Variants in ENDOV observed in about 807,000 individuals in gnomAD.
ENDOV encodes the protein endonuclease V.
In ENDOV, 37 loss-of-function variants were observed where a neutral mutation model predicts 39.4. The ratio of observed to expected loss-of-function variants is 0.94; its 90% confidence interval spans 0.72 to 1.23. ENDOV has a LOEUF of 1.23. Ranked by LOEUF, ENDOV falls within the 50% of genes most tolerant of loss-of-function variation. The probability of loss-of-function intolerance (pLI) is 0.00; values close to 1 mark genes in which losing one functional copy is unlikely to be tolerated. For synonymous variants in ENDOV, 186 were observed against 163.4 expected (o/e 1.14, Z -1.05); for missense variants, 441 against 375.7 (o/e 1.17, Z -1.44).
At chr17:80,428,692 G>A (rs1478894346) in intron 8 of ENDOV, 32 bp downstream of exon 8, 14 of 1,555,708 alleles carry the variant, frequency 9.0e-6, no homozygotes, top group Non-Finnish European at 1.1e-5. Context: ...GGCACTAAAG[G>A]GGCATCTCAC....
At chr17:80,423,778 C>T (rs914004362) in intron 5 of ENDOV, 146 bp downstream of exon 5, 3 of 742,904 alleles carry the variant, frequency 4.0e-6, no homozygotes, top group Non-Finnish European at 4.3e-6. Flanking sequence ...TAAGAAAGAC[C>T]TGCTTTCCTC....
In ENDOV at chr17:80,436,537, T is replaced by C; in HGVS notation, c.*394T>C. The C allele has an allele frequency of 2.5e-6, 1 of 402,592 alleles. No homozygotes were observed. Among genetic ancestry groups the C allele is most frequent in the Non-Finnish European group, 4.3e-6 (1 of 232,770 alleles). The allele number at this position is 402,592 out of a possible 1,614,324, so 24.9% of individuals were successfully genotyped here. On this transcript the variant is annotated 3_prime_UTR_variant, in exon 10 of 10. Transcript: ENST00000518137. The stretch of plus-strand genomic sequence containing the variant: ...TGGCCTCTATTGAAAAGATCCTGTG[T>C]TCTTCTGTGAATATGAGGTGTTACA...
chr17:80,415,370 A>G, intron 1 of ENDOV, 120 bp downstream of exon 1: 3 of 1,256,856 alleles, frequency 2.4e-6, no homozygotes, highest in South Asian at 1.4e-5. Flanking sequence ...GAGACTCCAA[A>G]GCAAAGCCCA....
intron 7 of ENDOV, chr17:80,427,894 T>C (rs1216792412): frequency 9.8e-6 from 12 of 1,227,648 alleles, no homozygotes; most frequent in Non-Finnish European, 1.3e-5. Context: ...ACTTCCCCCA[T>C]GAATGGAAGC....
chr17:80,433,720 C>T (rs1184496333), intron 9 of ENDOV, among the ~76,000 whole-genome samples: 1 of 152,182 alleles, frequency 6.6e-6, no homozygotes, highest in Non-Finnish European at 1.5e-5. Context: ...GCTCTGGGCT[C>T]CTCTGGGGCT....
intron 9 of ENDOV, among the ~76,000 whole-genome samples, chr17:80,431,523 G>A (rs1276599533): frequency 6.6e-6 from 1 of 152,266 alleles, no homozygotes; most frequent in Non-Finnish European, 1.5e-5. Flanking sequence ...GGAGAGAGCG[G>A]GAACTAGGTG....
intron 9 of ENDOV, among the ~76,000 whole-genome samples, chr17:80,430,896 G>A (rs1255642063): frequency 1.3e-5 from 2 of 152,170 alleles, no homozygotes; most frequent in Admixed American, 1.3e-4. Context: ...TCTTCTCTTG[G>A]TGTGGGCTAG....
chr17:80,415,798 G>T lies in ENDOV; in HGVS notation c.205G>T (p.Val69Leu), dbSNP rs375071073. 4 of 1,600,206 alleles carry T rather than the reference G, an allele frequency of 2.5e-6. No homozygotes were observed. The highest frequency in any genetic ancestry group is 4.5e-5 in the East Asian group (2 of 44,254). ...TGTCCGCGCTTGTGCTTCCCTGGTGGTGCTCAGCTTCCCTGAGCTCGAGGT... is the reference window on the plus strand; with the variant it reads ...TGTCCGCGCTTGTGCTTCCCTGGTGTTGCTCAGCTTCCCTGAGCTCGAGGT... ...DSVRACASLV[V>L]LSFPELEVVY... The change falls in exon 2 of 10, where the codon GTG (valine) becomes TTG (leucine). Residue 69 changes from valine to leucine, a missense_variant. Coordinates refer to ENST00000518137, the MANE Select transcript of ENDOV (RefSeq NM_173627.5).
intron 2 of ENDOV, chr17:80,419,379 C>T (rs1236594356): frequency 1.8e-6 from 1 of 550,652 alleles, no homozygotes; most frequent in Non-Finnish European, 3.3e-6. Context: ...GGAGCCCGTT[C>T]TGTGCCAGAT....
At chr17:80,422,043 C>A in intron 3 of ENDOV, 81 bp downstream of exon 3, 1 of 1,571,272 alleles carries the variant, frequency 6.4e-7, no homozygotes, top group East Asian at 2.3e-5. Context: ...TCGCCACCAC[C>A]ACAGTGGCAG....
rs1019318452 is a variant in ENDOV at position 80,415,577 on chromosome 17, T to A, written c.57-73T>A. On this transcript the variant is annotated intron_variant, in intron 1 of 9. Transcript: ENST00000518137. The stretch of plus-strand genomic sequence containing the variant: ...GACCCGGCAGAGGCGCTCTGTCCGC[T>A]GCAGCCGCGCGGGTGGAGGAGGCAG... 1.4e-5 allele frequency: 21 copies of A among 1,536,706 alleles called. 1 individual carries two copies. In the Admixed American group the frequency reaches 3.9e-4, roughly 29 times the overall value.
chr17:80,423,199 C>T (rs1229710437), intron 4 of ENDOV, among the ~76,000 whole-genome samples: 2 of 152,210 alleles, frequency 1.3e-5, no homozygotes, highest in African/African-American at 4.8e-5. Flanking sequence ...TGGCAGGCCA[C>T]CGTCGAGGGA....
intron 4 of ENDOV, 96 bp downstream of exon 4, chr17:80,422,341 G>A (rs1006119250): frequency 2.3e-5 from 34 of 1,448,962 alleles, no homozygotes; most frequent in African/African-American, 4.2e-5. Flanking sequence ...CTGGGCCCTC[G>A]GCCTCTGCCG....
chr17:80,430,727 C>G (rs540901246), intron 9 of ENDOV, among the ~76,000 whole-genome samples: 4 of 152,198 alleles, frequency 2.6e-5, no homozygotes, highest in Admixed American at 2.6e-4. Context: ...GTGCCAGGCT[C>G]TGTGCCCGGC....
intron 9 of ENDOV, among the ~76,000 whole-genome samples, chr17:80,432,042 G>T (rs41301906): frequency 0.011 from 1,729 of 152,208 alleles, 32 homozygotes; most frequent in African/African-American, 0.04. Flanking sequence ...CCACATGTGG[G>T]GTGCAGACCG....
In ENDOV at chr17:80,425,595, T is replaced by C; in HGVS notation, c.689T>C (p.Phe230Ser). The C allele has an allele frequency of 6.3e-7, 1 of 1,589,196 alleles. No individual in the cohort carries two copies. Among genetic ancestry groups the C allele is most frequent in the Non-Finnish European group, 8.5e-7 (1 of 1,172,986 alleles). The change falls in exon 7 of 10, where the codon TTC (phenylalanine) becomes TCC (serine). Residue 230 changes from phenylalanine (F) to serine (S), a missense_variant. Phe to Ser is a radical substitution (Grantham distance 155). Coordinates refer to ENST00000518137, the MANE Select transcript of ENDOV (RefSeq NM_173627.5). ...CGCCTGACTTGCTGCTGCTGCAGGT[T>C]CCGGATCCCAGAGCCCGTGCGCCAG... The part of the protein sequence containing the change: ...AVRLTCCCCR[F>S]RIPEPVRQAD...
chr17:80,423,292 C>T (rs1458009441), intron 4 of ENDOV, among the ~76,000 whole-genome samples: 2 of 152,218 alleles, frequency 1.3e-5, no homozygotes, highest in African/African-American at 2.4e-5. Context: ...TGGCACTGAC[C>T]GTGTCAGAGA....
chr17:80,426,838 G>A (rs938620506), intron 7 of ENDOV, among the ~76,000 whole-genome samples: 1 of 152,218 alleles, frequency 6.6e-6, no homozygotes, highest in Non-Finnish European at 1.5e-5. Flanking sequence ...TTAGGTGGCC[G>A]CTGTGCGTGC....
At position 80,415,173 on chromosome 17, in the gene ENDOV, A is replaced by C. The variant is rs41299330; in HGVS notation, c.-22A>C. On this transcript the variant is annotated 5_prime_UTR_variant, in exon 1 of 10. Transcript: ENST00000518137. Reference sequence around the variant, plus strand: ...AGTCGCTTCCGGAAGTGACGTGCGGAAGGGGTGCCCGGGACGAAGCCATGG... The same window carrying C: ...AGTCGCTTCCGGAAGTGACGTGCGGCAGGGGTGCCCGGGACGAAGCCATGG... 1.1e-3 allele frequency: 1,766 copies of C among 1,608,050 alleles called. 23 individuals carry two copies. The South Asian group carries it at 0.011, about 10-fold the overall frequency.
Sources: allele counts gnomAD v4.1 joint callset (sites outside exome capture counted in the v4.1 genomes callset), GRCh38; gene constraint gnomAD v4.1.1; transcripts MANE v1.5; gene names NCBI Gene and HGNC (gene_info 2026-07-23, HGNC 2026-07-21).